BRAF: variants seen among roughly 807,000 people sequenced by gnomAD.
The protein encoded by BRAF is serine/threonine-protein kinase B-raf.
A neutral mutation model predicts 104.6 loss-of-function variants in BRAF; 16 were observed. The observed-to-expected ratio is 0.15, with a 90% CI of 0.10 to 0.23. The LOEUF is 0.23. BRAF is among the 10% of genes least tolerant of loss of function. The probability of loss-of-function intolerance (pLI) is 1.00; values close to 1 mark genes in which losing one functional copy is unlikely to be tolerated. For missense variants in BRAF, 541 were observed against 937.3 expected, an observed-to-expected ratio of 0.58 and a Z score of 5.52; for synonymous variants, 310 against 341.6, an observed-to-expected ratio of 0.91 and a Z score of 1.02.
At chr7:140,718,477 T>C (rs975244470), downstream of BRAF, among the ~76,000 whole-genome samples, 1 of 152,232 alleles carries the variant, frequency 6.6e-6, no homozygotes, top group African/African-American at 2.4e-5. Context: ...CTCGAACTCC[T>C]AACCTCAGGT....
rs527348649 is a variant in BRAF at position 140,918,647 on chromosome 7, A to G, written c.138+5919T>C. ...TGCAGCCAATTTGGCTGTCAATTTC[A>G]TAAGGTGATTTTGTGACCGGCAGAA... On this transcript the variant is annotated intron_variant, in intron 1 of 19. Coordinates refer to ENST00000644969, the MANE Select transcript of BRAF (RefSeq NM_001374258.1). 2.0e-5 allele frequency among the ~76,000 whole-genome samples: 3 copies of G among 152,336 alleles called. No homozygotes were observed. The East Asian group carries it at 5.8e-4, about 29-fold the overall frequency.
chr7:140,766,184 G>T (rs553006344), intron 14 of BRAF, among the ~76,000 whole-genome samples: 8 of 151,706 alleles, frequency 5.3e-5, no homozygotes, highest in African/African-American at 9.7e-5. Flanking sequence ...GTAAACTATC[G>T]CAAGGACAAA....
At chr7:140,905,274 T>C (rs1276744709) in intron 1 of BRAF, among the ~76,000 whole-genome samples, 2 of 152,240 alleles carry the variant, frequency 1.3e-5, no homozygotes, top group African/African-American at 4.8e-5. Context: ...AATCTGTCTA[T>C]TTCTTGTAGT....
At chr7:140,797,946 T>C (rs1802659024) in intron 7 of BRAF, among the ~76,000 whole-genome samples, 1 of 152,224 alleles carries the variant, frequency 6.6e-6, no homozygotes, top group Admixed American at 6.5e-5. Context: ...CTAGAAGAGA[T>C]AACTGCTACA....
intron 5 of BRAF, among the ~76,000 whole-genome samples, chr7:140,803,229 G>C (rs1044924625): frequency 3.9e-5 from 6 of 152,170 alleles, no homozygotes; most frequent in Admixed American, 1.3e-4. Flanking sequence ...ATCAGGCAAT[G>C]TGTAACTGTA....
intron 14 of BRAF, among the ~76,000 whole-genome samples, chr7:140,758,941 T>C (rs1448679552): frequency 6.6e-6 from 1 of 152,232 alleles, no homozygotes; most frequent in African/African-American, 2.4e-5. Context: ...ACACCCCCTT[T>C]AGGCTTGGGA....
At chr7:140,821,479 T>C (rs186700353) in intron 3 of BRAF, among the ~76,000 whole-genome samples, 3 of 151,482 alleles carry the variant, frequency 2.0e-5, no homozygotes, top group African/African-American at 7.3e-5. Context: ...TTTTTTTGTA[T>C]TTTTAGTAGA....
chr7:140,866,051 T>C (rs1295928868), intron 1 of BRAF, among the ~76,000 whole-genome samples: 2 of 152,162 alleles, frequency 1.3e-5, no homozygotes, highest in African/African-American at 2.4e-5. Context: ...AATTCAACAA[T>C]TGCTCACAAT....
Position 140,783,012 on chromosome 7 carries a change from T to C in BRAF, c.1434+9A>G, listed in dbSNP as rs1801026230. The C allele has an allele frequency of 1.9e-6, 3 of 1,612,976 alleles. No individual in the cohort carries two copies. The highest frequency in any genetic ancestry group is 1.7e-5 in the Admixed American group (1 of 59,990). ...AATTCAGAGAAAAAAAGATATCATA[T>C]ACTCTTACCATTCGATTCCTGTCTT... On this transcript the variant is annotated intron_variant, in intron 11 of 19. Transcript: ENST00000644969.
chr7:140,774,106 C>G (rs1479452682), intron 14 of BRAF, among the ~76,000 whole-genome samples: 1 of 151,922 alleles, frequency 6.6e-6, no homozygotes, highest in South Asian at 2.1e-4. Context: ...CAAGACAAAA[C>G]AAAAAGAGAA....
rs201481342 is a variant in BRAF, at chr7:140,794,424, T to C, written c.1024A>G (p.Ile342Val). 5.7e-5 allele frequency: 92 copies of C among 1,613,958 alleles called. No individual in the cohort carries two copies. Among genetic ancestry groups the C allele is most frequent in the African/African-American group, 9.3e-5 (7 of 74,956 alleles). Residue 342 changes from isoleucine to valine, a missense_variant, in exon 8 of 20, where the codon ATT (isoleucine) becomes GTT (valine). Physicochemically the swap from Ile to Val is conservative, Grantham distance 29. Around this residue, in one of 10 missense-constraint regions of BRAF, gnomAD observed 79 missense variants for 74.6 expected, o/e 1.06. Transcript: ENST00000644969. ...TSPSPSKSIP[I>V]PQPFRPADED... ...TCTGCTGGTCGGAAGGGCTGTGGAA[T>C]TGGAATGGATTTTGAAGGAGACGGA...
At chr7:140,795,299 G>C (rs895843313) in intron 7 of BRAF, among the ~76,000 whole-genome samples, 4 of 152,136 alleles carry the variant, frequency 2.6e-5, no homozygotes, top group African/African-American at 9.7e-5. Context: ...GTAAACACTT[G>C]GAAGGATGTA....
intron 1 of BRAF, among the ~76,000 whole-genome samples, chr7:140,888,321 A>G (rs982058236): frequency 6.6e-6 from 1 of 152,214 alleles, no homozygotes; most frequent in Non-Finnish European, 1.5e-5. Flanking sequence ...TCATTGTGAC[A>G]TACTATGACT....
intron 1 of BRAF, among the ~76,000 whole-genome samples, chr7:140,879,840 T>C (rs994792668): frequency 1.3e-5 from 2 of 151,564 alleles, no homozygotes; most frequent in African/African-American, 4.9e-5. Flanking sequence ...CAAGCAATTC[T>C]CCTGCCTCAG....
intron 1 of BRAF, among the ~76,000 whole-genome samples, chr7:140,922,278 A>C (rs975011004): frequency 6.6e-6 from 1 of 152,242 alleles, no homozygotes; most frequent in East Asian, 1.9e-4. Flanking sequence ...ACTTAAATTC[A>C]GCTAGCCTAG....
chr7:140,892,857 G>C (rs1467792756), intron 1 of BRAF, among the ~76,000 whole-genome samples: 1 of 152,218 alleles, frequency 6.6e-6, no homozygotes, highest in Non-Finnish European at 1.5e-5. Context: ...CAGTTTGCTA[G>C]AGGAGAGAAC....
intron 19 of BRAF, chr7:140,732,936 A>G (rs1291043765): frequency 6.6e-6 from 1 of 152,220 alleles, no homozygotes; most frequent in Admixed American, 6.5e-5. Context: ...AACAATTACT[A>G]ATAATCATAT....
intron 17 of BRAF, among the ~76,000 whole-genome samples, chr7:140,745,895 G>A (rs1338006255): frequency 6.6e-6 from 1 of 152,194 alleles, no homozygotes; most frequent in African/African-American, 2.4e-5. Flanking sequence ...CTGTGAGAAA[G>A]ACCAATGAAG....
At chr7:140,746,167 T>C (rs1435668612) in intron 17 of BRAF, among the ~76,000 whole-genome samples, 2 of 152,242 alleles carry the variant, frequency 1.3e-5, no homozygotes, top group Non-Finnish European at 2.9e-5. Context: ...CAATTATAAC[T>C]GGAATAATAC....
Sources: allele counts gnomAD v4.1 joint callset (sites outside exome capture counted in the v4.1 genomes callset), GRCh38; gene constraint gnomAD v4.1.1; regional missense constraint gnomAD v4.1.1; transcripts MANE v1.5; gene names NCBI Gene and HGNC (gene_info 2026-07-23, HGNC 2026-07-21).